KLC1: variants seen among roughly 807,000 people sequenced by gnomAD.
KLC1 encodes kinesin light chain 1, also known as kinesin 2 60/70kDa.
A neutral mutation model predicts 84.2 loss-of-function variants in KLC1; 30 were observed. That is an observed-to-expected ratio of 0.36 (90% CI 0.27 to 0.48). The LOEUF (loss-of-function observed/expected upper bound fraction) is 0.48. KLC1 is among the 20% of genes least tolerant of loss of function. The pLI is 0.99. For missense variants in KLC1, 499 were observed against 805.4 expected (o/e 0.62, Z 4.60); for synonymous variants, 289 against 293.3 (o/e 0.99, Z 0.15).
chr14:103,679,102 A>G (rs750235815), intron 12 of KLC1, among the ~76,000 whole-genome samples: 1 of 152,174 alleles, frequency 6.6e-6, no homozygotes, highest in Non-Finnish European at 1.5e-5. Flanking sequence ...AGAAAACCAC[A>G]TGACCCAGCA....
chr14:103,630,361 TTTA>T (rs1307197420), intron 1 of KLC1, among the ~76,000 whole-genome samples: 1 of 152,234 alleles, frequency 6.6e-6, no homozygotes, highest in Non-Finnish European at 1.5e-5. Flanking sequence ...CTGTTACTGT[TTTA>T]TTATTTAAAT....
intron 1 of KLC1, among the ~76,000 whole-genome samples, chr14:103,630,355 T>TA (rs1304042890): frequency 1.3e-5 from 2 of 152,254 alleles, no homozygotes. Flanking sequence ...TGCTGCCTGT[T>TA]ACTGTTTTAT....
chr14:103,661,251 TG>T (rs1394627723), intron 3 of KLC1, among the ~76,000 whole-genome samples: 1 of 152,176 alleles, frequency 6.6e-6, no homozygotes, highest in Non-Finnish European at 1.5e-5. Flanking sequence ...GCATCCTTCA[TG>T]GCATTGTTTC....
intron 5 of KLC1, among the ~76,000 whole-genome samples, chr14:103,663,621 A>T (rs1183967416): frequency 1.3e-5 from 2 of 152,074 alleles, no homozygotes; most frequent in African/African-American, 4.8e-5. Flanking sequence ...CTCCTTTTGG[A>T]ATCCGGGATT....
chr14:103,640,458 T>C (rs981251438), intron 1 of KLC1, among the ~76,000 whole-genome samples: 1 of 151,984 alleles, frequency 6.6e-6, no homozygotes, highest in Non-Finnish European at 1.5e-5. Context: ...CCTCCCGGGT[T>C]CACGCCATTC....
intron 2 of KLC1, among the ~76,000 whole-genome samples, chr14:103,656,103 C>T (rs2078820015): frequency 6.6e-6 from 1 of 152,142 alleles, no homozygotes; most frequent in Non-Finnish European, 1.5e-5. Flanking sequence ...TGGCCCTGTT[C>T]TAGCATAGGG....
At chr14:103,700,488 C>A (rs185075069) in intron 15 of KLC1, 167 bp from the exon 16 acceptor site, 1 of 556,320 alleles carries the variant, frequency 1.8e-6, no homozygotes, top group Non-Finnish European at 3.1e-6. Flanking sequence ...TCAGGCCCCA[C>A]GGGCCTTGCC....
chr14:103,692,909 C>T (rs1229714685), intron 15 of KLC1, among the ~76,000 whole-genome samples: 3 of 152,204 alleles, frequency 2.0e-5, no homozygotes. Context: ...TGCAGTTGCT[C>T]GGGCCTCACA....
intron 2 of KLC1, among the ~76,000 whole-genome samples, chr14:103,656,538 G>T (rs181761368): frequency 6.6e-6 from 1 of 152,180 alleles, no homozygotes; most frequent in Non-Finnish European, 1.5e-5. Context: ...CAGAAGAGGG[G>T]CTGCTGGCCA....
At chr14:103,641,872 T>C (rs2077518859) in intron 1 of KLC1, among the ~76,000 whole-genome samples, 1 of 152,166 alleles carries the variant, frequency 6.6e-6, no homozygotes, top group African/African-American at 2.4e-5. Flanking sequence ...TCTGCCTGCC[T>C]TGGCATCCCA....
rs187040833 is a variant in KLC1 at position 103,648,750 on chromosome 14, A to G, written c.-1-5814A>G. On this transcript the variant is annotated intron_variant, in intron 1 of 16. Coordinates refer to ENST00000334553, the MANE Select transcript of KLC1 (RefSeq NM_001394837.1). ...CAGGAGGTGGAGGTTGTAATGAGCC[A>G]AGATCATGCCACTGCACTTCAGCCT... Among the ~76,000 whole-genome samples the G allele has an allele frequency of 3.3e-5, 5 of 152,290 alleles. No individual in the cohort carries two copies. In the East Asian group the frequency reaches 9.6e-4, roughly 29 times the overall value.
intron 1 of KLC1, among the ~76,000 whole-genome samples, chr14:103,636,251 C>T (rs2077036865): frequency 1.3e-5 from 2 of 151,992 alleles, no homozygotes. Flanking sequence ...GATGGAGTTT[C>T]ACTCTTGTTG....
intron 15 of KLC1, chr14:103,696,706 T>C (rs1269879814): frequency 2.0e-6 from 2 of 985,372 alleles, no homozygotes; most frequent in African/African-American, 3.5e-5. Context: ...CTGTTTACAA[T>C]TAGTTCCCCA....
intron 3 of KLC1, among the ~76,000 whole-genome samples, chr14:103,658,400 A>G (rs966725084): frequency 6.9e-6 from 1 of 144,582 alleles, no homozygotes; most frequent in African/African-American, 2.6e-5. Context: ...AGCTGGGATT[A>G]CAGGTGTGTG....
chr14:103,701,181 CCTT>C lies in KLC1; in HGVS notation c.*2-17_*2-15del. ...TCAGGTTTTGGCGGCCCAGCCCTGA[CCTT>C]CTATCTTCTCTTGCAGTGACCCCGA... On this transcript the variant is annotated splice_polypyrimidine_tract_variant and intron_variant, in intron 16 of 16. Transcript: ENST00000334553. 1 of 1,550,616 alleles carries C rather than the reference CCTT, an allele frequency of 6.4e-7. No individual in the cohort carries two copies. The highest frequency in any genetic ancestry group is 2.4e-5 in the East Asian group (1 of 40,888).
At chr14:103,699,810 C>T (rs2082979265) in intron 15 of KLC1, 8 of 576,156 alleles carry the variant, frequency 1.4e-5, no homozygotes, top group South Asian at 1.3e-4. Flanking sequence ...CCATGTCCTT[C>T]CTCTGGCCCC....
chr14:103,698,837 G>A (rs1026391139), intron 15 of KLC1: 13 of 1,606,434 alleles, frequency 8.1e-6, no homozygotes, highest in South Asian at 3.3e-5. Flanking sequence ...GCACCCCTTC[G>A]GCACTGATCG....
chr14:103,699,626 A>G, intron 15 of KLC1: 1 of 1,591,886 alleles, frequency 6.3e-7, no homozygotes, highest in Non-Finnish European at 8.6e-7. Flanking sequence ...TCCCCGCCCC[A>G]GGTGACCAGA....
Position 103,701,336 on chromosome 14 carries a change from T to C in KLC1, c.*137T>C, listed in dbSNP as rs1329033357. 4.4e-6 allele frequency: 4 copies of C among 909,086 alleles called. No homozygotes were observed. Among genetic ancestry groups the C allele is most frequent in the African/African-American group, 1.6e-5 (1 of 61,106 alleles). 56.3% of individuals were successfully genotyped at this position (909,086 alleles called of 1,614,324 possible). A position where few individuals can be genotyped will look rare whatever the true frequency, so the allele number is the denominator to read the frequency against. ...CTCATTTCTCCTGCGTCTGTGTGCATAGGACATGATACTAATAACCACACG... is the reference window on the plus strand; with the variant it reads ...CTCATTTCTCCTGCGTCTGTGTGCACAGGACATGATACTAATAACCACACG... On this transcript the variant is annotated 3_prime_UTR_variant, in exon 17 of 17. Transcript: ENST00000334553.
Sources: gnomAD v4.1 joint callset for allele counts (sites outside exome capture counted in the v4.1 genomes callset) on GRCh38, gnomAD v4.1.1 for gene constraint, MANE v1.5 for transcripts, NCBI Gene and HGNC (gene_info 2026-07-23, HGNC 2026-07-21) for gene names.